The following PPARG variants were observed in gnomAD, a reference collection of about 807,000 sequenced individuals.
PPARG encodes peroxisome proliferator activated receptor gamma, also known as peroxisome proliferator-activated receptor gamma.
PPARG carries 17 observed loss-of-function variants against 39.2 expected under a neutral mutation model. The ratio of observed to expected loss-of-function variants is 0.43; its 90% CI spans 0.30 to 0.65. PPARG has a LOEUF of 0.65. Ranked by LOEUF, PPARG falls within the 30% of genes least tolerant of loss-of-function variation. PPARG has a pLI of 0.13. For missense variants in PPARG, 406 were observed against 585.9 expected, an observed-to-expected ratio of 0.69 and a Z score of 3.17; for synonymous variants, 223 against 215.7, an observed-to-expected ratio of 1.03 and a Z score of -0.30.
intron 2 of PPARG, among the ~76,000 whole-genome samples, chr3:12,355,884 G>C (rs2048644133): frequency 6.6e-6 from 1 of 152,174 alleles, no homozygotes; most frequent in Non-Finnish European, 1.5e-5. Flanking sequence ...CTCTCACAGA[G>C]GTTGTCATAT....
intron 2 of PPARG, among the ~76,000 whole-genome samples, chr3:12,332,264 T>C (rs1465270360): frequency 6.6e-6 from 1 of 152,194 alleles, no homozygotes; most frequent in Admixed American, 6.5e-5. Context: ...TCTTGGTAAA[T>C]ATGATAGGGT....
intron 2 of PPARG, among the ~76,000 whole-genome samples, chr3:12,325,261 A>G (rs2047659946): frequency 6.6e-6 from 1 of 152,226 alleles, no homozygotes; most frequent in Admixed American, 6.5e-5. Context: ...TCTCTACTAA[A>G]GATACAAAAA....
chr3:12,308,136 G>A (rs772429997), intron 1 of PPARG, among the ~76,000 whole-genome samples: 10 of 151,944 alleles, frequency 6.6e-5, no homozygotes, highest in Non-Finnish European at 1.3e-4. Context: ...AGGCCAAGGC[G>A]GGTTAGAGAT....
At chr3:12,341,040 A>G (rs919832576) in intron 2 of PPARG, among the ~76,000 whole-genome samples, 5 of 152,120 alleles carry the variant, frequency 3.3e-5, no homozygotes, top group East Asian at 3.9e-4. Context: ...AAAATTAGCC[A>G]GGCATGGTGG....
intron 2 of PPARG, among the ~76,000 whole-genome samples, chr3:12,345,751 A>G (rs2048307875): frequency 6.6e-6 from 1 of 152,206 alleles, no homozygotes; most frequent in African/African-American, 2.4e-5. Flanking sequence ...CAGAACTGGT[A>G]AGTGACACCA....
chr3:12,368,183 C>CTTTTTTTTT (rs556381640), intron 2 of PPARG, among the ~76,000 whole-genome samples: 8 of 133,450 alleles, frequency 6.0e-5, no homozygotes, highest in South Asian at 2.4e-4. Flanking sequence ...TTTTCTTTTT[C>CTTTTTTTTT]TTTTTTGTTT....
At chr3:12,411,548 A>G (rs1220274124) in intron 6 of PPARG, among the ~76,000 whole-genome samples, 1 of 152,204 alleles carries the variant, frequency 6.6e-6, no homozygotes, top group South Asian at 2.1e-4. Flanking sequence ...TTAAAAGGAA[A>G]AAAAGAAGTG....
At chr3:12,361,346 A>G (rs900071593) in intron 2 of PPARG, among the ~76,000 whole-genome samples, 4 of 152,194 alleles carry the variant, frequency 2.6e-5, no homozygotes, top group African/African-American at 9.7e-5. Context: ...TAATAAACAG[A>G]TATTTCTAAT....
chr3:12,338,428 T>A (rs1032241418), intron 2 of PPARG, among the ~76,000 whole-genome samples: 1 of 152,238 alleles, frequency 6.6e-6, no homozygotes, highest in Non-Finnish European at 1.5e-5. Context: ...CTCTTAAAAT[T>A]GCTTGAGTAC....
At chr3:12,311,347 G>A (rs1015230027) in intron 1 of PPARG, among the ~76,000 whole-genome samples, 10 of 152,148 alleles carry the variant, frequency 6.6e-5, no homozygotes, top group South Asian at 6.2e-4. Flanking sequence ...CAAGCAATCC[G>A]CCTGCCTCAG....
chr3:12,314,852 T>G (rs1418244960), intron 2 of PPARG, among the ~76,000 whole-genome samples: 1 of 152,218 alleles, frequency 6.6e-6, no homozygotes, highest in Non-Finnish European at 1.5e-5. Flanking sequence ...CATATAATTG[T>G]ACATATTTAT....
Position 12,298,347 on chromosome 3 carries a change from G to A in PPARG, c.-83+9213G>A, listed in dbSNP as rs904771514. Among the ~76,000 whole-genome samples, 6 of 139,128 alleles carry A rather than the reference G, an allele frequency of 4.3e-5. No individual in the cohort carries two copies. In the South Asian group the frequency reaches 6.8e-4, roughly 16 times the overall value. The allele number at this position is 139,128 out of a possible 152,430, so 91.3% of individuals were successfully genotyped here. Reference sequence around the variant, plus strand: ...AAAAAAGAAATGTAAAATAGCAAGCGAGTAGAGGTTTCCCAAAATCAGTGT... The same window carrying A: ...AAAAAAGAAATGTAAAATAGCAAGCAAGTAGAGGTTTCCCAAAATCAGTGT... On this transcript the variant is annotated intron_variant, in intron 1 of 7. Coordinates refer to ENST00000651735, the MANE Select transcript of PPARG (RefSeq NM_138711.6).
intron 6 of PPARG, among the ~76,000 whole-genome samples, chr3:12,416,091 A>G (rs539176397): frequency 2.6e-5 from 4 of 152,382 alleles, no homozygotes; most frequent in Admixed American, 6.5e-5. Flanking sequence ...TTAAAAATCA[A>G]CAATCGGCCG....
At chr3:12,357,404 TC>T (rs2125108537) in intron 2 of PPARG, among the ~76,000 whole-genome samples, 1 of 152,168 alleles carries the variant, frequency 6.6e-6, no homozygotes, top group Admixed American at 6.5e-5. Context: ...AGGACCCTCT[TC>T]CTCTGGCATT....
chr3:12,315,223 C>T (rs1175172786), intron 2 of PPARG, among the ~76,000 whole-genome samples: 1 of 152,172 alleles, frequency 6.6e-6, no homozygotes, highest in Non-Finnish European at 1.5e-5. Flanking sequence ...CTGCTTATTT[C>T]ACTTAACATA....
intron 2 of PPARG, among the ~76,000 whole-genome samples, chr3:12,359,674 CTTT>C (rs71628752): frequency 3.1e-5 from 4 of 129,816 alleles, no homozygotes; most frequent in Non-Finnish European, 3.3e-5. Context: ...TCTTTTATTT[CTTT>C]TTTTTTTTTT....
At chr3:12,381,192 A>T in intron 3 of PPARG, 130 bp from the exon 4 acceptor site, 2 of 936,136 alleles carry the variant, frequency 2.1e-6, no homozygotes, top group South Asian at 1.5e-5. Context: ...GTGTTTTTTC[A>T]TGTTCCACTG....
chr3:12,382,525 A>G (rs2049714058), intron 4 of PPARG, among the ~76,000 whole-genome samples: 1 of 152,214 alleles, frequency 6.6e-6, no homozygotes, highest in Non-Finnish European at 1.5e-5. Context: ...AACAGTTAGG[A>G]AAGTTTTAGG....
At chr3:12,409,757 A>C (rs1471042396) in intron 6 of PPARG, among the ~76,000 whole-genome samples, 1 of 152,204 alleles carries the variant, frequency 6.6e-6, no homozygotes, top group Non-Finnish European at 1.5e-5. Flanking sequence ...ACCTTTGGAA[A>C]AGGAAATGAC....
Sources: allele counts gnomAD v4.1 joint callset (sites outside exome capture counted in the v4.1 genomes callset), GRCh38; gene constraint gnomAD v4.1.1; transcripts MANE v1.5; gene names NCBI Gene and HGNC (gene_info 2026-07-23, HGNC 2026-07-21).